LRRC37A2: variants seen among roughly 807,000 people sequenced by gnomAD.
LRRC37A2 encodes leucine-rich repeat-containing protein 37A2.
In LRRC37A2, 9 loss-of-function variants were observed where a neutral mutation model predicts 68.8. The observed-to-expected ratio is 0.13, with a 90% CI of 0.08 to 0.23. The LOEUF is 0.23. Ranked by LOEUF, LRRC37A2 falls within the 10% of genes least tolerant of loss-of-function variation. LRRC37A2 has a pLI of 1.00. For missense variants in LRRC37A2, 168 were observed against 950.4 expected (o/e 0.18, Z 10.82); for synonymous variants, 63 against 367.6 (o/e 0.17, Z 9.48).
chr17:46,851,408 C>T, the LRRC37A2 span, among the ~76,000 whole-genome samples: 4 of 142,944 alleles, frequency 2.8e-5, no homozygotes, highest in Admixed American at 2.8e-4. This position sits in a 1 kb window ranked among gnomAD's most constrained non-coding sequence, Gnocchi z 4.3. Flanking sequence ...GGGGGAGGGG[C>T]GGGGGCGGTC....
the LRRC37A2 span, among the ~76,000 whole-genome samples, chr17:46,863,135 T>C: frequency 6.6e-6 from 1 of 151,788 alleles, no homozygotes; most frequent in Admixed American, 6.6e-5. Context: ...ACAGGCAGCC[T>C]CCTCCAGAGC....
the LRRC37A2 span, among the ~76,000 whole-genome samples, chr17:47,026,882 TAAG>T: frequency 9.2e-5 from 14 of 151,482 alleles, no homozygotes; most frequent in East Asian, 5.9e-4. Context: ...AGACCTAAAC[TAAG>T]AAGGTGTAGA....
chr17:46,821,267 CT>C, the LRRC37A2 span: 1 of 152,232 alleles, frequency 6.6e-6, no homozygotes, highest in Non-Finnish European at 1.5e-5. Context: ...TGCCAGGCCC[CT>C]AGTGAATGGA....
the LRRC37A2 span, among the ~76,000 whole-genome samples, chr17:46,977,699 G>T: frequency 6.6e-6 from 1 of 152,246 alleles, no homozygotes; most frequent in South Asian, 2.1e-4. Flanking sequence ...CAACAAGGGG[G>T]TTTCTTCCGT....
At chr17:46,875,450 A>G in the LRRC37A2 span, 1 of 1,452,582 alleles carries the variant, frequency 6.9e-7, no homozygotes, top group Non-Finnish European at 9.1e-7. Context: ...CCAGCACCCC[A>G]CTCCCCAAAA....
chr17:46,761,064 TAA>T, the LRRC37A2 span, among the ~76,000 whole-genome samples: 1 of 151,990 alleles, frequency 6.6e-6, no homozygotes, highest in Non-Finnish European at 1.5e-5. Flanking sequence ...AAAAGAAAAA[TAA>T]AAAGTCGAAA....
the LRRC37A2 span, among the ~76,000 whole-genome samples, chr17:46,807,460 C>T: frequency 2.0e-5 from 3 of 152,124 alleles, no homozygotes; most frequent in Admixed American, 1.3e-4. Flanking sequence ...CCAGCCTGGG[C>T]AACAAGAGCA....
chr17:46,984,368 G>T, the LRRC37A2 span, among the ~76,000 whole-genome samples: 1 of 152,064 alleles, frequency 6.6e-6, no homozygotes, highest in South Asian at 2.1e-4. Flanking sequence ...AGACTCCCCC[G>T]AGCCGGGCTT....
the LRRC37A2 span, among the ~76,000 whole-genome samples, chr17:46,968,483 T>C: frequency 6.6e-6 from 1 of 152,206 alleles, no homozygotes; most frequent in African/African-American, 2.4e-5. Flanking sequence ...ATCACCATCA[T>C]AACACCCTCC....
the LRRC37A2 span, chr17:46,713,226 G>A: frequency 6.6e-6 from 1 of 152,318 alleles, no homozygotes; most frequent in Non-Finnish European, 1.5e-5. Flanking sequence ...GGAAGAAGTC[G>A]AACATATGGG....
chr17:47,000,043 TAAAATAAAATAAAATA>T, the LRRC37A2 span, among the ~76,000 whole-genome samples: 56 of 25,702 alleles, frequency 2.2e-3, 8 homozygotes, highest in Admixed American at 0.01. Context: ...TAAAATAAAA[TAAAATAAAATAAAATA>T]AAATTAAAAT....
At chr17:46,792,095 T>C in the LRRC37A2 span, among the ~76,000 whole-genome samples, 20 of 152,142 alleles carry the variant, frequency 1.3e-4, no homozygotes, top group African/African-American at 4.8e-4. Flanking sequence ...ATAGCGAACA[T>C]TTAAAGTCAA....
the LRRC37A2 span, among the ~76,000 whole-genome samples, chr17:46,625,879 T>TAAAAAAA: frequency 3.4e-5 from 2 of 59,036 alleles, no homozygotes; most frequent in Non-Finnish European, 6.2e-5. Context: ...CCACATGTAT[T>TAAAAAAA]AAAAAAAAAA....
At chr17:46,889,611 G>A in the LRRC37A2 span, among the ~76,000 whole-genome samples, 1 of 152,182 alleles carries the variant, frequency 6.6e-6, no homozygotes, top group African/African-American at 2.4e-5. Context: ...TACCTGTGCT[G>A]TGATTATTAG....
the LRRC37A2 span, among the ~76,000 whole-genome samples, chr17:46,752,070 G>C: frequency 3.3e-5 from 5 of 152,158 alleles, no homozygotes; most frequent in African/African-American, 1.2e-4. Flanking sequence ...TGCTTTAAGG[G>C]ACAAGTTAAT....
chr17:46,736,026 C>G, the LRRC37A2 span, among the ~76,000 whole-genome samples: 1 of 152,114 alleles, frequency 6.6e-6, no homozygotes, highest in Non-Finnish European at 1.5e-5. Context: ...ATAATAACTG[C>G]TATATAGAGG....
At chr17:46,818,231 G>A in the LRRC37A2 span, among the ~76,000 whole-genome samples, 271 of 152,202 alleles carry the variant, frequency 1.8e-3, 1 homozygote, top group Admixed American at 3.9e-3. Flanking sequence ...TCTAGATTGG[G>A]ACGGGCAGAG....
chr17:46,526,438 A>T (rs1486035589), intron 6 of LRRC37A2, among the ~76,000 whole-genome samples: 2 of 103,310 alleles, frequency 1.9e-5, no homozygotes, highest in Middle Eastern at 0.011. Flanking sequence ...AATAGAGCCT[A>T]ACCTTCCAGG....
chr17:46,836,313 T>C, the LRRC37A2 span, among the ~76,000 whole-genome samples: 412 of 152,262 alleles, frequency 2.7e-3, 1 homozygote, highest in Middle Eastern at 0.014. Context: ...ATAATTGCAT[T>C]CCTTGGAACT....
Sources: allele counts gnomAD v4.1 joint callset (sites outside exome capture counted in the v4.1 genomes callset), GRCh38; gene constraint gnomAD v4.1.1; non-coding constraint Gnocchi (gnomAD v3.1); transcripts MANE v1.5; gene names NCBI Gene and HGNC (gene_info 2026-07-23, HGNC 2026-07-21).